NFATC2: variants seen among roughly 807,000 people sequenced by gnomAD.
NFATC2 encodes nuclear factor of activated T cells 2.
A neutral mutation model predicts 87.3 loss-of-function variants in NFATC2; 22 were observed. The observed-to-expected ratio is 0.25, with a 90% confidence interval of 0.18 to 0.36. The LOEUF (loss-of-function observed/expected upper bound fraction) is 0.36, where lower values mean the gene tolerates loss of function less well. Among genes scored for constraint, NFATC2 ranks in the 10% least tolerant of loss-of-function variants. The pLI is 1.00. For missense variants in NFATC2, 1,149 were observed against 1,259.1 expected (o/e 0.91, Z 1.32); for synonymous variants, 565 against 542.2 (o/e 1.04, Z -0.58).
chr20:51,402,420 C>T (rs1988144227), intron 9 of NFATC2, among the ~76,000 whole-genome samples: 1 of 152,038 alleles, frequency 6.6e-6, no homozygotes, highest in South Asian at 2.1e-4. Context: ...CGGCCCCAAC[C>T]CTCTGCTAAG....
chr20:51,500,734 TCACCAACCCCCAC>T (rs2146624887), intron 3 of NFATC2, among the ~76,000 whole-genome samples: 2 of 36,734 alleles, frequency 5.4e-5, no homozygotes, highest in Admixed American at 3.3e-4. Context: ...GCCCTCACCC[TCACCAACCCCCAC>T]CACCCCCACC....
chr20:51,387,302 C>A lies in NFATC2; in HGVS notation c.*4194G>T, dbSNP rs947330287. On this transcript the variant is annotated 3_prime_UTR_variant, in exon 11 of 11. Transcript: ENST00000371564. ...CAGGCCAATCAGAATGCTGTGAGCA[C>A]CTGCTCTAATGGAAACAACATCATT... The A allele has an allele frequency of 1.3e-5, 2 of 152,328 alleles. No individual in the cohort carries two copies. The highest frequency in any genetic ancestry group is 3.9e-4 in the East Asian group (2 of 5,182). 9.4% of individuals were successfully genotyped at this position (152,328 alleles called of 1,614,324 possible). A position where few individuals can be genotyped will look rare whatever the true frequency, so the allele number is the denominator to read the frequency against.
chr20:51,521,456 G>A (rs2076443859), intron 2 of NFATC2, among the ~76,000 whole-genome samples: 1 of 152,190 alleles, frequency 6.6e-6, no homozygotes. Flanking sequence ...GAGTAGCTGG[G>A]ATTACAGGCA....
At position 51,502,936 on chromosome 20, in the gene NFATC2, G is replaced by GA. The variant is rs535593688; in HGVS notation, c.1332+13847dup. ...TCAATTCAGCTTCACTTCTTATTCA[G>GA]AAAAATGAAAATGCAATGGCTTCCT... On this transcript the variant is annotated intron_variant, in intron 3 of 10. Coordinates refer to ENST00000371564, the MANE Select transcript of NFATC2 (RefSeq NM_012340.5). 2.6e-5 allele frequency among the ~76,000 whole-genome samples: 4 copies of GA among 152,272 alleles called. No individual in the cohort carries two copies. In the South Asian group the frequency reaches 8.3e-4, roughly 32 times the overall value.
At chr20:51,405,746 C>A (rs538233537) in intron 9 of NFATC2, among the ~76,000 whole-genome samples, 89 of 152,306 alleles carry the variant, frequency 5.8e-4, no homozygotes, top group African/African-American at 2.0e-3. Context: ...CAGTAAAAAT[C>A]TCAAGGAGGA....
At chr20:51,552,017 G>A (rs1335111469) in intron 1 of NFATC2, among the ~76,000 whole-genome samples, 15 of 117,428 alleles carry the variant, frequency 1.3e-4, no homozygotes, top group African/African-American at 4.5e-4. Flanking sequence ...ACAGAGCGAG[G>A]CTCCATCTCA....
intron 9 of NFATC2, among the ~76,000 whole-genome samples, chr20:51,403,781 C>A (rs1988291737): frequency 6.6e-6 from 1 of 152,218 alleles, no homozygotes; most frequent in Non-Finnish European, 1.5e-5. Flanking sequence ...TGACAGGATT[C>A]TCCAGAATCC....
At chr20:51,496,188 A>G (rs888431365) in intron 3 of NFATC2, among the ~76,000 whole-genome samples, 2 of 152,248 alleles carry the variant, frequency 1.3e-5, no homozygotes, top group South Asian at 4.1e-4. Context: ...GCTGTTCACA[A>G]CTTGCCATGC....
Position 51,432,985 on chromosome 20 carries a change from A to T in NFATC2, c.2033-229T>A, listed in dbSNP as rs754230411. Among the ~76,000 whole-genome samples the T allele has an allele frequency of 7.2e-5, 11 of 152,084 alleles. No individual in the cohort carries two copies. Among genetic ancestry groups the T allele is most frequent in the Admixed American group, 5.2e-4 (8 of 15,276 alleles). ...ATCTTGAATTATAGATTTTTCCAATATTGGAAAGGTGGCTGGTAGGTCTGA... is the reference window on the plus strand; with the variant it reads ...ATCTTGAATTATAGATTTTTCCAATTTTGGAAAGGTGGCTGGTAGGTCTGA... On this transcript the variant is annotated intron_variant, in intron 8 of 10. Coordinates refer to ENST00000371564, the MANE Select transcript of NFATC2 (RefSeq NM_012340.5). The surrounding 1 kb of genome is among the most constrained non-coding windows in gnomAD (Gnocchi z 4.6).
chr20:51,490,683 G>A (rs543970146), intron 3 of NFATC2, among the ~76,000 whole-genome samples: 8 of 152,256 alleles, frequency 5.3e-5, no homozygotes, highest in African/African-American at 1.4e-4. Context: ...AGCTACACAC[G>A]GTGGCACATG....
intron 6 of NFATC2, among the ~76,000 whole-genome samples, chr20:51,447,985 C>T (rs1029311156): frequency 9.9e-5 from 15 of 152,132 alleles, no homozygotes; most frequent in Admixed American, 3.3e-4. Flanking sequence ...TAATGCTGCC[C>T]GCTTCTCAGG....
chr20:51,483,898 C>T (rs984770309), intron 3 of NFATC2, among the ~76,000 whole-genome samples: 1 of 152,192 alleles, frequency 6.6e-6, no homozygotes, highest in African/African-American at 2.4e-5. Context: ...CACCCCTCTC[C>T]CTCCACCTAC....
At chr20:51,504,567 A>G (rs2076145218) in intron 3 of NFATC2, among the ~76,000 whole-genome samples, 1 of 152,174 alleles carries the variant, frequency 6.6e-6, no homozygotes, top group African/African-American at 2.4e-5. Flanking sequence ...ACCAAACACC[A>G]CCTGTTCCTC....
chr20:51,506,418 T>C (rs2076180729), intron 3 of NFATC2, among the ~76,000 whole-genome samples: 1 of 152,146 alleles, frequency 6.6e-6, no homozygotes, highest in Non-Finnish European at 1.5e-5. Flanking sequence ...ATGAATGACT[T>C]TGACATTCGC....
intron 3 of NFATC2, among the ~76,000 whole-genome samples, chr20:51,511,244 G>T (rs1282211396): frequency 2.6e-5 from 4 of 152,116 alleles, no homozygotes; most frequent in African/African-American, 9.7e-5. Flanking sequence ...TCCTTTCATT[G>T]CCTGGCCCTC....
intron 5 of NFATC2, among the ~76,000 whole-genome samples, chr20:51,470,595 C>T (rs185846040): frequency 2.0e-5 from 3 of 152,232 alleles, no homozygotes; most frequent in East Asian, 3.9e-4. Flanking sequence ...AAGTACTAGC[C>T]CACGAAGTGT....
At chr20:51,431,533 A>T (rs1046611205) in intron 9 of NFATC2, among the ~76,000 whole-genome samples, 2 of 152,190 alleles carry the variant, frequency 1.3e-5, no homozygotes, top group Non-Finnish European at 2.9e-5. Context: ...CTGTTCCACG[A>T]GCACAGGGTA....
intron 5 of NFATC2, among the ~76,000 whole-genome samples, chr20:51,458,131 C>A (rs1256270003): frequency 6.6e-6 from 1 of 152,150 alleles, no homozygotes; most frequent in African/African-American, 2.4e-5. Context: ...CCTGCCTCGG[C>A]CTCCCGAAGT....
intron 9 of NFATC2, among the ~76,000 whole-genome samples, chr20:51,422,176 C>A (rs776759175): frequency 3.9e-5 from 6 of 152,232 alleles, no homozygotes; most frequent in Non-Finnish European, 8.8e-5. Context: ...CCAAACTGCT[C>A]GCAACAGACA....
Sources: gnomAD v4.1 joint callset for allele counts (sites outside exome capture counted in the v4.1 genomes callset) on GRCh38, gnomAD v4.1.1 for gene constraint, Gnocchi (gnomAD v3.1) non-coding constraint, MANE v1.5 for transcripts, NCBI Gene and HGNC (gene_info 2026-07-23, HGNC 2026-07-21) for gene names.